Variants in USP34 observed in about 807,000 individuals in gnomAD.
USP34 encodes the protein ubiquitin carboxyl-terminal hydrolase 34.
USP34 carries 70 observed loss-of-function variants against 460.3 expected under a neutral mutation model. The observed-to-expected ratio is 0.15, with a 90% CI of 0.13 to 0.19. USP34 has a LOEUF of 0.19. Ranked by LOEUF, USP34 falls within the 10% of genes least tolerant of loss-of-function variation. The pLI is 1.00. For synonymous variants in USP34, 1,647 were observed against 1,405.3 expected, an observed-to-expected ratio of 1.17 and a Z score of -3.85; for missense variants, 3,985 against 4,236.2, an observed-to-expected ratio of 0.94 and a Z score of 1.65.
At chr2:61,228,014 T>C (rs1344948151) in intron 61 of USP34, among the ~76,000 whole-genome samples, 1 of 152,212 alleles carries the variant, frequency 6.6e-6, no homozygotes, top group Admixed American at 6.5e-5. Flanking sequence ...CTAGTGTATA[T>C]TCTGTGAAGC....
At chr2:61,209,073 C>G (rs1687199942) in intron 69 of USP34, 96 bp from the exon 70 acceptor site, 2 of 667,950 alleles carry the variant, frequency 3.0e-6, no homozygotes, top group Non-Finnish European at 4.7e-6. Context: ...ATCATTTAAG[C>G]TCTCTGCTTT....
intron 1 of USP34, among the ~76,000 whole-genome samples, chr2:61,464,717 C>CAAAAAAAAA (rs35331685): frequency 1.3e-5 from 1 of 77,992 alleles, no homozygotes; most frequent in African/African-American, 5.0e-5. Context: ...GACTCCGTCT[C>CAAAAAAAAA]AAAAAAAAAA....
intron 34 of USP34, among the ~76,000 whole-genome samples, chr2:61,285,238 C>G (rs1373808441): frequency 6.6e-6 from 1 of 151,942 alleles, no homozygotes; most frequent in Non-Finnish European, 1.5e-5. Flanking sequence ...GCTGTAATCC[C>G]AGCAATTAGG....
At chr2:61,395,993 G>C (rs1693511870) in intron 3 of USP34, among the ~76,000 whole-genome samples, 1 of 150,670 alleles carries the variant, frequency 6.6e-6, no homozygotes. Context: ...GGAGGCAGAG[G>C]TTGCAGTGAG....
chr2:61,412,138 G>C (rs532628468), intron 2 of USP34, among the ~76,000 whole-genome samples: 1 of 140,436 alleles, frequency 7.1e-6, no homozygotes, highest in African/African-American at 2.7e-5. Context: ...GCAGTGAGCC[G>C]AGATCATGCC....
chr2:61,345,014 T>G (rs1691720946), intron 15 of USP34, among the ~76,000 whole-genome samples: 1 of 152,092 alleles, frequency 6.6e-6, no homozygotes, highest in Non-Finnish European at 1.5e-5. Flanking sequence ...GGCTCACACC[T>G]GTAATCCCAG....
intron 2 of USP34, among the ~76,000 whole-genome samples, chr2:61,408,404 A>C (rs927994992): frequency 6.6e-6 from 1 of 152,048 alleles, no homozygotes; most frequent in Admixed American, 6.6e-5. Context: ...TATAATTATA[A>C]ATATATATAA....
Position 61,348,131 on chromosome 2 carries a change from A to C in USP34, c.2024T>G (p.Leu675Arg), listed in dbSNP as rs77260934. 1 of 1,614,222 alleles carries C rather than the reference A, an allele frequency of 6.2e-7. No individual in the cohort carries two copies. The highest frequency in any genetic ancestry group is 8.5e-7 in the Non-Finnish European group (1 of 1,180,028). ...NGTSSGTGKDLVFNTESLPSV... is the reference protein window; with the variant it reads ...NGTSSGTGKDRVFNTESLPSV... ...TGGCAATGATTCAGTGTTAAAAACC[A>C]GGTCCTTTCCTGTTCCGCTGCTTGT... The change falls in exon 15 of 80, where the codon CTG becomes CGG. Residue 675 changes from leucine (L) to arginine (R), a missense_variant. Physicochemically the swap from Leu to Arg is moderately radical, Grantham distance 102. Around this residue, in one of 14 missense-constraint regions of USP34, gnomAD observed 716 missense variants for 626.2 expected, o/e 1.14. Coordinates refer to ENST00000398571, the MANE Select transcript of USP34 (RefSeq NM_014709.4).
intron 62 of USP34, among the ~76,000 whole-genome samples, chr2:61,226,539 T>C (rs1364768995): frequency 6.6e-6 from 1 of 152,212 alleles, no homozygotes; most frequent in Admixed American, 6.5e-5. Context: ...TTTTTTTACT[T>C]AGTAATAGAT....
intron 48 of USP34, among the ~76,000 whole-genome samples, chr2:61,255,726 C>G (rs768310310): frequency 1.8e-4 from 27 of 152,148 alleles, no homozygotes; most frequent in Non-Finnish European, 3.5e-4. Flanking sequence ...ATGATAAAAT[C>G]TTGTACCATC....
intron 33 of USP34, among the ~76,000 whole-genome samples, chr2:61,289,547 A>C (rs758081204): frequency 2.0e-5 from 3 of 152,082 alleles, no homozygotes; most frequent in Admixed American, 6.6e-5. Flanking sequence ...CTTTTTCTTC[A>C]AAAGTTCTTA....
chr2:61,212,829 T>C (rs1687306315), intron 68 of USP34, among the ~76,000 whole-genome samples: 1 of 152,244 alleles, frequency 6.6e-6, no homozygotes, highest in Non-Finnish European at 1.5e-5. Context: ...TGTCAAAGTA[T>C]ATTTAATTCT....
intron 1 of USP34, among the ~76,000 whole-genome samples, chr2:61,426,749 G>C (rs1225011442): frequency 1.3e-5 from 2 of 152,174 alleles, no homozygotes; most frequent in African/African-American, 2.4e-5. Flanking sequence ...AGCAGGCCTT[G>C]GGTGAGACCC....
intron 53 of USP34, among the ~76,000 whole-genome samples, chr2:61,241,226 G>A (rs1688247692): frequency 6.6e-6 from 1 of 151,840 alleles, no homozygotes; most frequent in Non-Finnish European, 1.5e-5. Flanking sequence ...GTATTTTTTA[G>A]GAGAAACAGA....
Position 61,274,455 on chromosome 2 carries a change from A to C in USP34, c.5433+3710T>G, listed in dbSNP as rs561161584. Among the ~76,000 whole-genome samples the C allele has an allele frequency of 5.9e-5, 9 of 152,146 alleles. No homozygotes were observed. The East Asian group carries it at 9.6e-4, about 16-fold the overall frequency. ...TGAAGTCAAGACAGAAAAAAAAAAA[A>C]AACTTGCAATTCATATTACAGTGAG... On this transcript the variant is annotated intron_variant, in intron 41 of 79. Coordinates refer to ENST00000398571, the MANE Select transcript of USP34 (RefSeq NM_014709.4).
At chr2:61,461,112 C>T (rs554941341) in intron 1 of USP34, among the ~76,000 whole-genome samples, 34 of 151,802 alleles carry the variant, frequency 2.2e-4, no homozygotes, top group Non-Finnish European at 4.0e-4. Context: ...TAAGAGGGGC[C>T]GGGCAGGGTG....
At chr2:61,206,696 T>A in intron 71 of USP34, 64 bp downstream of exon 71, 1 of 1,575,476 alleles carries the variant, frequency 6.3e-7, no homozygotes, top group Non-Finnish European at 8.6e-7. Flanking sequence ...GGCACATGAT[T>A]TTAAAACCTT....
intron 6 of USP34, among the ~76,000 whole-genome samples, chr2:61,381,340 A>AT (rs1692968897): frequency 5.9e-5 from 9 of 152,036 alleles, no homozygotes; most frequent in Admixed American, 5.9e-4. Context: ...CTGTTGTTTC[A>AT]TTTTTTCTTT....
At chr2:61,453,718 A>AG (rs1180742731) in intron 1 of USP34, among the ~76,000 whole-genome samples, 2 of 147,344 alleles carry the variant, frequency 1.4e-5, no homozygotes, top group Non-Finnish European at 3.0e-5. Flanking sequence ...CCATCTCAAA[A>AG]AAAAAAAAAA....
Sources: gnomAD v4.1 joint callset for allele counts (sites outside exome capture counted in the v4.1 genomes callset) on GRCh38, gnomAD v4.1.1 for gene constraint, gnomAD v4.1.1 regional missense constraint, MANE v1.5 for transcripts, NCBI Gene and HGNC (gene_info 2026-07-23, HGNC 2026-07-21) for gene names.